ZNF862: variants seen among roughly 807,000 people sequenced by gnomAD.
ZNF862 encodes zinc finger protein 862.
Under a neutral mutation model 91.1 loss-of-function variants are expected in ZNF862, and 64 were observed. That is an observed-to-expected ratio of 0.70 (90% CI 0.57 to 0.87). The LOEUF (loss-of-function observed/expected upper bound fraction) is 0.87, where lower values mean the gene tolerates loss of function less well. Ranked by LOEUF, ZNF862 falls within the 40% of genes least tolerant of loss-of-function variation. ZNF862 has a pLI of 0.00. For missense variants in ZNF862, 1,459 were observed against 1,528.0 expected, an observed-to-expected ratio of 0.95 and a Z score of 0.75; for synonymous variants, 631 against 618.1, an observed-to-expected ratio of 1.02 and a Z score of -0.31.
chr7:149,845,122 A>C, intron 2 of ZNF862: 1 of 189,636 alleles, frequency 5.3e-6, no homozygotes, highest in Non-Finnish European at 1.1e-5. Flanking sequence ...GTGATGTGGA[A>C]ATCTGGTCTC....
At chr7:149,843,669 A>G (rs1801778965) in intron 1 of ZNF862, among the ~76,000 whole-genome samples, 1 of 152,106 alleles carries the variant, frequency 6.6e-6, no homozygotes, top group South Asian at 2.1e-4. Flanking sequence ...GAAGACCGAA[A>G]ATGTAATAGC....
Position 149,861,772 on chromosome 7 carries a change from C to G in ZNF862, c.2612C>G (p.Thr871Arg), listed in dbSNP as rs751778823. The change falls in exon 7 of 8, where the codon ACG (threonine) becomes AGG (arginine). Residue 871 changes from threonine (T) to arginine (R), a missense_variant. Physicochemically the swap from Thr to Arg is moderately conservative, Grantham distance 71. Coordinates refer to ENST00000223210, the MANE Select transcript of ZNF862 (RefSeq NM_001099220.3). This position sits in a 1 kb window ranked among gnomAD's most constrained non-coding sequence, Gnocchi z 6.7. ...EIVLITEVNA[T>R]LGRAYVALES... Reference sequence around the variant, plus strand: ...GTGCTGATTACAGAGGTGAACGCCACGCTGGGCCGCGCCTACGTGGCACTG... The same window carrying G: ...GTGCTGATTACAGAGGTGAACGCCAGGCTGGGCCGCGCCTACGTGGCACTG... 6.8e-6 allele frequency: 11 copies of G among 1,613,592 alleles called. No individual in the cohort carries two copies. The Admixed American group carries it at 1.3e-4, about 20-fold the overall frequency.
At position 149,859,964 on chromosome 7, in the gene ZNF862, C is replaced by T. The variant is rs546394748; in HGVS notation, c.1223-419C>T. 6 of 251,954 alleles carry T rather than the reference C, an allele frequency of 2.4e-5. 1 individual carries two copies. In the South Asian group the frequency reaches 4.8e-4, roughly 20 times the overall value. The allele number at this position is 251,954 out of a possible 1,614,324, so 15.6% of individuals were successfully genotyped here. ...TGTAGTTGCTACACTTACTTCTGTA[C>T]CTACTTCCTTCTGAGGCTTGTAAAA... On this transcript the variant is annotated intron_variant, in intron 6 of 7. Transcript: ENST00000223210.
In ZNF862 at chr7:149,838,458, C is replaced by G. The variant is rs570702086; in HGVS notation, c.-154C>G. ...TGGGTCCACCGGCGCTACCGCCCCC[C>G]GACGTGAGAGAGCGAAGTTCTTGGG... On this transcript the variant is annotated 5_prime_UTR_variant, in exon 1 of 8. Coordinates refer to ENST00000223210, the MANE Select transcript of ZNF862 (RefSeq NM_001099220.3). The G allele has an allele frequency of 1.4e-5, 6 of 444,074 alleles. No individual in the cohort carries two copies. In the South Asian group the frequency reaches 6.2e-4, roughly 46 times the overall value. The allele number at this position is 444,074 out of a possible 1,614,324, so 27.5% of individuals were successfully genotyped here. A position where few individuals can be genotyped will look rare whatever the true frequency, so the allele number is the denominator to read the frequency against.
chr7:149,857,607 C>A (rs112774947), intron 5 of ZNF862, among the ~76,000 whole-genome samples: 69 of 152,142 alleles, frequency 4.5e-4, no homozygotes, highest in African/African-American at 1.6e-3. Context: ...CGGTTCATTC[C>A]TGTGTACGAG....
chr7:149,843,435 T>G (rs901367490), intron 1 of ZNF862, among the ~76,000 whole-genome samples: 6 of 152,222 alleles, frequency 3.9e-5, no homozygotes, highest in Non-Finnish European at 2.9e-5. Flanking sequence ...TTTCTGTTGA[T>G]TTCTTTTATA....
In ZNF862 at chr7:149,861,597, A is replaced by AGGGTGGCAGAGGCT; in HGVS notation, c.2441_2454dup (p.Gly819TrpfsTer16). ...GCCCGCCCTGGCCAGGCACCTCCAG[A>AGGGTGGCAGAGGCT]GGGTGGCAGAGGCTGGGGGCCAGAT... On this transcript the variant is annotated frameshift_variant, in exon 7 of 8. Transcript: ENST00000223210. LOFTEE classifies it high-confidence loss of function. The surrounding 1 kb of genome is among the most constrained non-coding windows in gnomAD (Gnocchi z 6.7). 6.3e-7 allele frequency: 1 copy of AGGGTGGCAGAGGCT among 1,599,334 alleles called. No individual in the cohort carries two copies. The highest frequency in any genetic ancestry group is 1.1e-5 in the South Asian group (1 of 89,690).
At chr7:149,846,602 G>T (rs1801881033) in intron 3 of ZNF862, among the ~76,000 whole-genome samples, 1 of 152,094 alleles carries the variant, frequency 6.6e-6, no homozygotes, top group Non-Finnish European at 1.5e-5. Flanking sequence ...CTGAATGAAT[G>T]AATGAATGAA....
chr7:149,861,928 G>A lies in ZNF862; in HGVS notation c.2768G>A (p.Arg923Lys), dbSNP rs1554450745. The A allele has an allele frequency of 1.9e-6, 3 of 1,613,794 alleles. No individual in the cohort carries two copies. In the South Asian group the frequency reaches 3.3e-5, roughly 18 times the overall value. ...CAGCGGTTCCAGGCGGATAGGGAGA[G>A]GACAGTCCTGACGGGGATTGAGTAC... is the stretch of plus-strand genomic sequence containing the variant. Reference protein sequence around the residue: ...AEQRFQADRERTVLTGIEYLQ... With the variant: ...AEQRFQADREKTVLTGIEYLQ... Residue 923 changes from arginine (R) to lysine (K), a missense_variant, in exon 7 of 8, where the codon AGG becomes AAG. Transcript: ENST00000223210. The surrounding 1 kb of genome is among the most constrained non-coding windows in gnomAD (Gnocchi z 6.7).
At chr7:149,846,560 C>T (rs1478118884) in intron 3 of ZNF862, among the ~76,000 whole-genome samples, 1 of 152,030 alleles carries the variant, frequency 6.6e-6, no homozygotes, top group Non-Finnish European at 1.5e-5. Context: ...AGAACAATAC[C>T]TGGCACCCAG....
chr7:149,860,750 C>A lies in ZNF862; in HGVS notation c.1590C>A (p.Asn530Lys). Residue 530 changes from asparagine to lysine, a missense_variant, in exon 7 of 8, where the codon AAC (asparagine) becomes AAA (lysine). By Grantham distance (94) the Asn-to-Lys change is moderately conservative. Coordinates refer to ENST00000223210, the MANE Select transcript of ZNF862 (RefSeq NM_001099220.3). Reference protein sequence around the residue: ...EVSKAHRLCVNTVEIKEDTPH... With the variant: ...EVSKAHRLCVKTVEIKEDTPH... ...GCAAAGCGCACAGGCTCTGTGTCAA[C>A]ACGGTTGAAATCAAGGAAGACACCC... 1.9e-6 allele frequency: 3 copies of A among 1,613,896 alleles called. No homozygotes were observed. Among genetic ancestry groups the A allele is most frequent in the Non-Finnish European group, 2.5e-6 (3 of 1,179,890 alleles).
Position 149,860,880 on chromosome 7 carries a change from G to T in ZNF862, c.1720G>T (p.Asp574Tyr). The T allele has an allele frequency of 6.2e-7, 1 of 1,613,634 alleles. No individual in the cohort carries two copies. The change falls in exon 7 of 8, where the codon GAC (aspartate) becomes TAC (tyrosine). Residue 574 changes from aspartate to tyrosine, a missense_variant. By Grantham distance (160) the Asp-to-Tyr change is radical. Transcript: ENST00000223210. ...TGCATACCACTCAAGGCCCCTGAAT[G>T]ACTTTGAGAAGATCCTGCAGCTCCT... ...SIAYHSRPLN[D>Y]FEKILQLLQS...
chr7:149,856,205 C>T (rs545408082), intron 5 of ZNF862: 1 of 152,264 alleles, frequency 6.6e-6, no homozygotes, highest in African/African-American at 2.4e-5. Flanking sequence ...AGCAGGCAGC[C>T]GGAATCACAC....
chr7:149,854,527 G>A (rs1802188851), intron 5 of ZNF862, among the ~76,000 whole-genome samples: 1 of 152,154 alleles, frequency 6.6e-6, no homozygotes, highest in Non-Finnish European at 1.5e-5. Context: ...GCTTTCTGCT[G>A]CCCCATTTCA....
Position 149,866,085 on chromosome 7 carries a change from C to G in ZNF862, c.*1801C>G, listed in dbSNP as rs923051192. 6.6e-6 allele frequency: 1 copy of G among 152,226 alleles called. No individual in the cohort carries two copies. The highest frequency in any genetic ancestry group is 2.4e-5 in the African/African-American group (1 of 41,446). 9.4% of individuals were successfully genotyped at this position (152,226 alleles called of 1,614,324 possible). ...CCTGGTACCCCACCTGCCCTTTCAT[C>G]CCCACCCCAGTACTTAGCCTTAGCA... On this transcript the variant is annotated 3_prime_UTR_variant, in exon 8 of 8. Coordinates refer to ENST00000223210, the MANE Select transcript of ZNF862 (RefSeq NM_001099220.3).
At chr7:149,852,562 G>A (rs1197134275) in intron 5 of ZNF862, 1 of 152,156 alleles carries the variant, frequency 6.6e-6, no homozygotes, top group African/African-American at 2.4e-5. Context: ...TAGAGATGGA[G>A]TCTCACTTTG....
intron 1 of ZNF862, chr7:149,841,702 A>G (rs1380365561): frequency 4.1e-6 from 4 of 985,282 alleles, no homozygotes; most frequent in South Asian, 4.7e-5. Flanking sequence ...CTATATGTGT[A>G]CTTGTTGCTG....
chr7:149,854,785 G>A (rs1165439767), intron 5 of ZNF862, among the ~76,000 whole-genome samples: 3 of 152,218 alleles, frequency 2.0e-5, no homozygotes, highest in Admixed American at 6.5e-5. Flanking sequence ...GGCCCCCTCC[G>A]TGCTCAGGCC....
Position 149,860,500 on chromosome 7 carries a change from G to C in ZNF862, c.1340G>C (p.Cys447Ser). The C allele has an allele frequency of 6.2e-7, 1 of 1,613,994 alleles. No homozygotes were observed. The highest frequency in any genetic ancestry group is 2.2e-5 in the East Asian group (1 of 44,882). ...ARASCCSSSI[C>S]EEGDGPRRIK... ...GCCTCCTGCTGCAGTTCCAGCATTT[G>C]TGAGGAAGGAGATGGACCTAGGAGA... is the stretch of plus-strand genomic sequence containing the variant. The change falls in exon 7 of 8, where the codon TGT becomes TCT. Residue 447 changes from cysteine to serine, a missense_variant. Coordinates refer to ENST00000223210, the MANE Select transcript of ZNF862 (RefSeq NM_001099220.3).
Sources: gnomAD v4.1 joint callset for allele counts (sites outside exome capture counted in the v4.1 genomes callset) on GRCh38, gnomAD v4.1.1 for gene constraint, Gnocchi (gnomAD v3.1) non-coding constraint, MANE v1.5 for transcripts, NCBI Gene and HGNC (gene_info 2026-07-23, HGNC 2026-07-21) for gene names.